JCAD: variants seen among roughly 807,000 people sequenced by gnomAD.
The protein encoded by JCAD is junctional cadherin 5-associated protein.
In JCAD, 40 loss-of-function variants were observed where a neutral mutation model predicts 98.0. That is an observed-to-expected ratio of 0.41 (90% CI 0.32 to 0.53). The LOEUF (loss-of-function observed/expected upper bound fraction) is 0.53, where lower values mean the gene tolerates loss of function less well. Ranked by LOEUF, JCAD falls within the 20% of genes least tolerant of loss-of-function variation. The probability of loss-of-function intolerance (pLI) is 0.31; values close to 1 mark genes in which losing one functional copy is unlikely to be tolerated. For missense variants in JCAD, 1,705 were observed against 1,738.1 expected (o/e 0.98, Z 0.34); for synonymous variants, 691 against 682.3 (o/e 1.01, Z -0.20).
Position 30,027,358 on chromosome 10 carries a change from T to A in JCAD, c.2790A>T (p.Pro930=). ...CTTCCACGCGAAAGCGGCCCGGGGATGGAGGCCAGGCACGTGGGTGGCCAG... is the reference window on the plus strand; with the variant it reads ...CTTCCACGCGAAAGCGGCCCGGGGAAGGAGGCCAGGCACGTGGGTGGCCAG... ...LQPGHPRAWP[P]SPGRFRVEEG... The change falls in exon 3 of 4, where the codon CCA becomes CCT. Residue 930 remains proline, a synonymous_variant. Coordinates refer to ENST00000375377, the MANE Select transcript of JCAD (RefSeq NM_020848.4). The A allele has an allele frequency of 1.9e-6, 3 of 1,611,148 alleles. No homozygotes were observed. Among genetic ancestry groups the A allele is most frequent in the Non-Finnish European group, 2.5e-6 (3 of 1,180,016 alleles).
At chr10:30,072,658 C>CTT (rs5784171) in intron 1 of JCAD, among the ~76,000 whole-genome samples, 62 of 147,120 alleles carry the variant, frequency 4.2e-4, no homozygotes, top group Middle Eastern at 3.6e-3. Flanking sequence ...TAAACAATTT[C>CTT]TTTTTTTTTT....
intron 2 of JCAD, among the ~76,000 whole-genome samples, chr10:30,030,470 G>C (rs907835740): frequency 2.0e-5 from 3 of 152,114 alleles, no homozygotes; most frequent in Non-Finnish European, 4.4e-5. Flanking sequence ...AGGGAACAAG[G>C]GTTAACTGTT....
Position 30,028,344 on chromosome 10 carries a change from C to A in JCAD, c.1804G>T (p.Asp602Tyr), listed in dbSNP as rs765785171. Residue 602 changes from aspartate to tyrosine, a missense_variant, in exon 3 of 4, where the codon GAC becomes TAC. Physicochemically the swap from Asp to Tyr is radical, Grantham distance 160. Coordinates refer to ENST00000375377, the MANE Select transcript of JCAD (RefSeq NM_020848.4). ...TTTTGATCAGCACTGGGCTTTAAGT[C>A]ATTGTTGTCCATATCTCTATCTGGC... ...HLPDRDMDNN[D>Y]LKPSADQKNG... is the part of the protein sequence containing the mutation. The A allele has an allele frequency of 5.6e-6, 9 of 1,614,076 alleles. No homozygotes were observed.
rs1470365964 is a variant in JCAD, at chr10:30,028,867, A to G, written c.1281T>C (p.Asp427=). Residue 427 remains aspartate, a synonymous_variant, in exon 3 of 4, where the codon GAT becomes GAC. Transcript: ENST00000375377. Reference sequence around the variant, plus strand: ...GTTTAAAATGTCGTAACCGTGGATCATCAAAGGGAATGTACTGAACGAAGC... The same window carrying G: ...GTTTAAAATGTCGTAACCGTGGATCGTCAAAGGGAATGTACTGAACGAAGC... The part of the protein sequence containing the change: ...YDGFVQYIPF[D]DPRLRHFKLA... 10 of 1,614,114 alleles carry G rather than the reference A, an allele frequency of 6.2e-6. No individual in the cohort carries two copies. The highest frequency in any genetic ancestry group is 1.1e-5 in the South Asian group (1 of 91,090).
intron 1 of JCAD, among the ~76,000 whole-genome samples, chr10:30,051,974 T>C (rs1837480247): frequency 6.6e-6 from 1 of 152,202 alleles, no homozygotes. Context: ...AATTCTCTTT[T>C]CCCCAAATCA....
chr10:30,060,358 G>T (rs1013709690), upstream of JCAD, among the ~76,000 whole-genome samples: 24 of 152,288 alleles, frequency 1.6e-4, no homozygotes, highest in Admixed American at 1.6e-3. Flanking sequence ...CAGTGGGAGA[G>T]TTCAGACCAG....
chr10:30,070,904 GTTGT>G (rs953607503), intron 1 of JCAD, among the ~76,000 whole-genome samples: 45 of 152,190 alleles, frequency 3.0e-4, no homozygotes, highest in African/African-American at 6.0e-4. Flanking sequence ...TGTTGTTGTT[GTTGT>G]TTGTTTGTTT....
At chr10:30,035,606 TGCATAG>T (rs1837091047) in intron 2 of JCAD, among the ~76,000 whole-genome samples, 1 of 152,270 alleles carries the variant, frequency 6.6e-6, no homozygotes, top group Non-Finnish European at 1.5e-5. Flanking sequence ...TGTGTACTGC[TGCATAG>T]GGTTTCAAAG....
chr10:30,113,384 C>G (rs952442323), intron 1 of JCAD, among the ~76,000 whole-genome samples: 5 of 151,676 alleles, frequency 3.3e-5, no homozygotes, highest in African/African-American at 1.2e-4. Context: ...AACCCTGTCT[C>G]TACTAAAAAT....
rs776829614 is a variant in JCAD at position 30,026,398 on chromosome 10, C to G, written c.3750G>C (p.Pro1250=). 5.0e-6 allele frequency: 8 copies of G among 1,614,076 alleles called. No homozygotes were observed. Among genetic ancestry groups the G allele is most frequent in the African/African-American group, 2.7e-5 (2 of 74,942 alleles). ...IESLQEKLAS[P]PRRADPDRLM... ...GGCGGTCAGGGTCTGCTCTCCTAGG[C>G]GGGGAGGCCAGTTTCTCTTGTAAAC... The change falls in exon 3 of 4, where the codon CCG becomes CCC. Residue 1250 remains proline, a synonymous_variant. Transcript: ENST00000375377.
At chr10:30,096,252 G>A (rs1169812774) in intron 1 of JCAD, among the ~76,000 whole-genome samples, 2 of 152,186 alleles carry the variant, frequency 1.3e-5, no homozygotes, top group Non-Finnish European at 2.9e-5. Context: ...CAACACTGAT[G>A]ATGGGCGGCC....
At chr10:30,039,920 A>G (rs994614284) in intron 2 of JCAD, among the ~76,000 whole-genome samples, 1 of 152,216 alleles carries the variant, frequency 6.6e-6, no homozygotes, top group Non-Finnish European at 1.5e-5. Flanking sequence ...GAGGAATGAA[A>G]TGAGATGATA....
At chr10:30,098,739 G>A (rs1050839680) in intron 1 of JCAD, among the ~76,000 whole-genome samples, 8 of 152,178 alleles carry the variant, frequency 5.3e-5, no homozygotes, top group African/African-American at 1.9e-4. Flanking sequence ...TTCTCTTTGA[G>A]TGCCATTCCA....
intron 1 of JCAD, among the ~76,000 whole-genome samples, chr10:30,079,313 C>T (rs1030381215): frequency 1.4e-5 from 2 of 140,112 alleles, no homozygotes; most frequent in Non-Finnish European, 3.0e-5. Context: ...TGCCACTGCA[C>T]TCTAGCCTGG....
chr10:30,017,547 A>T lies in JCAD; in HGVS notation c.*336T>A, dbSNP rs1725526226. 2.6e-6 allele frequency: 1 copy of T among 388,622 alleles called. No individual in the cohort carries two copies. 24.1% of individuals were successfully genotyped at this position (388,622 alleles called of 1,614,324 possible). A position where few individuals can be genotyped will look rare whatever the true frequency, so the allele number is the denominator to read the frequency against. The stretch of plus-strand genomic sequence containing the variant: ...GCATTTGCTAGATCTTCCACATTGA[A>T]ATCTTCACCCAGAATGAGAGCAACA... On this transcript the variant is annotated 3_prime_UTR_variant, in exon 4 of 4. Coordinates refer to ENST00000375377, the MANE Select transcript of JCAD (RefSeq NM_020848.4).
chr10:30,103,685 G>A (rs1429334986), intron 1 of JCAD, among the ~76,000 whole-genome samples: 3 of 150,092 alleles, frequency 2.0e-5, no homozygotes, highest in African/African-American at 7.4e-5. Context: ...TTTCTCTATT[G>A]CTACTATAAT....
rs1838517245 is a variant in JCAD, at chr10:30,103,956, G to C, written n.128+11411C>G. ...ACAGGAAATGCAGTTCAATGGGAGA[G>C]TGGTAAGTGCTATGGCAAAGGCACA... On this transcript the variant is annotated intron_variant and non_coding_transcript_variant, in intron 1 of 2. Coordinates refer to the JCAD transcript ENST00000465712. Among the ~76,000 whole-genome samples the C allele has an allele frequency of 2.6e-5, 4 of 152,228 alleles. No individual in the cohort carries two copies. The South Asian group carries it at 8.3e-4, about 32-fold the overall frequency.
At chr10:30,054,812 G>A (rs1029594671) in intron 1 of JCAD, among the ~76,000 whole-genome samples, 4 of 151,776 alleles carry the variant, frequency 2.6e-5, no homozygotes, top group Non-Finnish European at 4.4e-5. Context: ...TGGGACTACA[G>A]GCGCCCGCCA....
intron 1 of JCAD, among the ~76,000 whole-genome samples, chr10:30,052,654 C>T (rs556280683): frequency 2.0e-5 from 3 of 152,266 alleles, no homozygotes; most frequent in Non-Finnish European, 2.9e-5. Context: ...GGGTGCTGCA[C>T]GCTTACGCCA....
Sources: allele counts gnomAD v4.1 joint callset (sites outside exome capture counted in the v4.1 genomes callset), GRCh38; gene constraint gnomAD v4.1.1; transcripts MANE v1.5; gene names NCBI Gene and HGNC (gene_info 2026-07-23, HGNC 2026-07-21).